Variants in FBXL7 observed in about 807,000 individuals in gnomAD.
FBXL7 encodes the protein F-box and leucine rich repeat protein 7.
Under a neutral mutation model 38.3 loss-of-function variants are expected in FBXL7, and 12 were observed. That is an observed-to-expected ratio of 0.31 (90% confidence interval 0.20 to 0.51). The LOEUF (loss-of-function observed/expected upper bound fraction) is 0.51, where lower values mean the gene tolerates loss of function less well. Ranked by LOEUF, FBXL7 falls within the 20% of genes least tolerant of loss-of-function variation. FBXL7 has a pLI of 0.98. For synonymous variants in FBXL7, 297 were observed against 300.9 expected (o/e 0.99, Z 0.13); for missense variants, 567 against 676.4 (o/e 0.84, Z 1.79).
chr5:15,866,646 T>C (rs1416406374), intron 2 of FBXL7, among the ~76,000 whole-genome samples: 2 of 151,368 alleles, frequency 1.3e-5, no homozygotes, highest in Non-Finnish European at 2.9e-5. Flanking sequence ...GACCCATCCT[T>C]TAATTTCCCT....
chr5:15,878,925 G>T (rs2126320850), intron 2 of FBXL7, among the ~76,000 whole-genome samples: 1 of 152,218 alleles, frequency 6.6e-6, no homozygotes, highest in African/African-American at 2.4e-5. Flanking sequence ...AGAAAGCAAT[G>T]GTTCTGTCAT....
chr5:15,535,009 C>T lies in FBXL7; in HGVS notation c.37+34296C>T, dbSNP rs1737538618. On this transcript the variant is annotated intron_variant, in intron 1 of 3. Transcript: ENST00000504595. Reference sequence around the variant, plus strand: ...TGTTTTCCTAATAGTGAGTGAGTCTCATGAGATCTGATAGTTTAAAAGTGT... The same window carrying T: ...TGTTTTCCTAATAGTGAGTGAGTCTTATGAGATCTGATAGTTTAAAAGTGT... Among the ~76,000 whole-genome samples, 4 of 152,324 alleles carry T rather than the reference C, an allele frequency of 2.6e-5. No individual in the cohort carries two copies. The South Asian group carries it at 6.2e-4, about 24-fold the overall frequency.
intron 2 of FBXL7, among the ~76,000 whole-genome samples, chr5:15,841,974 A>G (rs1561147581): frequency 1.3e-5 from 2 of 152,246 alleles, no homozygotes; most frequent in Non-Finnish European, 2.9e-5. Context: ...GGCAGTGCAG[A>G]AGGGAAATGT....
chr5:15,760,683 T>C (rs1736418465), intron 2 of FBXL7, among the ~76,000 whole-genome samples: 1 of 152,114 alleles, frequency 6.6e-6, no homozygotes, highest in Non-Finnish European at 1.5e-5. Context: ...CCTGGAGTCA[T>C]GGGTTAAGTC....
intron 1 of FBXL7, among the ~76,000 whole-genome samples, chr5:15,604,167 C>A (rs1035981926): frequency 2.0e-5 from 3 of 151,804 alleles, no homozygotes; most frequent in Non-Finnish European, 4.4e-5. Flanking sequence ...ACTCTGTCTC[C>A]AAAAAAATAA....
intron 2 of FBXL7, among the ~76,000 whole-genome samples, chr5:15,884,272 C>T (rs1561172268): frequency 6.8e-6 from 1 of 147,436 alleles, no homozygotes; most frequent in Non-Finnish European, 1.5e-5. Flanking sequence ...TTCTTTCTTT[C>T]TTCTTTTTTT....
At chr5:15,544,118 A>G (rs1737835331) in intron 1 of FBXL7, among the ~76,000 whole-genome samples, 1 of 152,206 alleles carries the variant, frequency 6.6e-6, no homozygotes, top group African/African-American at 2.4e-5. Flanking sequence ...TACTCTGGAC[A>G]CATTGCCGAT....
intron 2 of FBXL7, among the ~76,000 whole-genome samples, chr5:15,873,562 A>G (rs80233683): frequency 6.6e-6 from 1 of 152,198 alleles, no homozygotes; most frequent in African/African-American, 2.4e-5. Flanking sequence ...AATATACACA[A>G]TAAAAGAATG....
At chr5:15,747,178 C>T (rs558605847) in intron 2 of FBXL7, among the ~76,000 whole-genome samples, 6 of 152,140 alleles carry the variant, frequency 3.9e-5, no homozygotes, top group South Asian at 4.1e-4. Context: ...TCAAGAAAAA[C>T]GAGGCAATTA....
At chr5:15,509,941 A>G (rs1310238982) in intron 1 of FBXL7, among the ~76,000 whole-genome samples, 3 of 152,226 alleles carry the variant, frequency 2.0e-5, no homozygotes, top group Non-Finnish European at 4.4e-5. Context: ...AACTTTTGAC[A>G]TGAATAATCA....
intron 2 of FBXL7, among the ~76,000 whole-genome samples, chr5:15,723,851 A>G (rs921886788): frequency 6.6e-6 from 1 of 152,188 alleles, no homozygotes; most frequent in African/African-American, 2.4e-5. Flanking sequence ...TGAATAGTCT[A>G]TGTTGGGTAG....
chr5:15,597,459 A>G (rs777307184), intron 1 of FBXL7, among the ~76,000 whole-genome samples: 1 of 150,538 alleles, frequency 6.6e-6, no homozygotes, highest in Non-Finnish European at 1.5e-5. Flanking sequence ...CCCAAACCAT[A>G]TATGTGAAAA....
chr5:15,790,198 A>G (rs74731649), intron 2 of FBXL7, among the ~76,000 whole-genome samples: 3 of 152,180 alleles, frequency 2.0e-5, no homozygotes, highest in African/African-American at 7.2e-5. Flanking sequence ...ATTGCTGTAC[A>G]TGATTTTTAA....
At chr5:15,555,336 A>G (rs1022476379) in intron 1 of FBXL7, among the ~76,000 whole-genome samples, 1 of 152,216 alleles carries the variant, frequency 6.6e-6, no homozygotes, top group Non-Finnish European at 1.5e-5. Flanking sequence ...GCCATACAGC[A>G]AAAGCACAGC....
chr5:15,665,525 C>T (rs553887287), intron 2 of FBXL7, among the ~76,000 whole-genome samples: 12 of 152,302 alleles, frequency 7.9e-5, no homozygotes, highest in African/African-American at 2.9e-4. Context: ...GGCTTTCTCT[C>T]ATCACCAAAG....
intron 2 of FBXL7, among the ~76,000 whole-genome samples, chr5:15,751,553 T>A (rs1395708454): frequency 6.6e-6 from 1 of 152,204 alleles, no homozygotes; most frequent in Non-Finnish European, 1.5e-5. Flanking sequence ...TTTGACTCAT[T>A]TATAAGAATA....
At chr5:15,693,033 G>A (rs925218384) in intron 2 of FBXL7, among the ~76,000 whole-genome samples, 1 of 152,168 alleles carries the variant, frequency 6.6e-6, no homozygotes, top group Non-Finnish European at 1.5e-5. Context: ...GGACCAGACA[G>A]TGATGGGATT....
chr5:15,569,070 C>G (rs1293685961), intron 1 of FBXL7, among the ~76,000 whole-genome samples: 1 of 152,140 alleles, frequency 6.6e-6, no homozygotes, highest in Non-Finnish European at 1.5e-5. Context: ...CTTGGCAATG[C>G]AGGCTCTTTT....
At position 15,784,255 on chromosome 5, in the gene FBXL7, C is replaced by CA. The variant is rs565278580; in HGVS notation, c.128-143626dup. 5.8e-4 allele frequency among the ~76,000 whole-genome samples: 87 copies of CA among 150,766 alleles called. No individual in the cohort carries two copies. In the South Asian group the frequency reaches 9.8e-3, roughly 17 times the overall value. ...TGTGAGTATCAGATTCCCCATTAGA[C>CA]AAAAAAAAATTAGCCCTGTAGGTCC... On this transcript the variant is annotated intron_variant, in intron 2 of 3. Coordinates refer to ENST00000504595, the MANE Select transcript of FBXL7 (RefSeq NM_012304.5).
Sources: allele counts gnomAD v4.1 joint callset (sites outside exome capture counted in the v4.1 genomes callset), GRCh38; gene constraint gnomAD v4.1.1; transcripts MANE v1.5; gene names NCBI Gene and HGNC (gene_info 2026-07-23, HGNC 2026-07-21).